MSI2: variants seen among roughly 807,000 people sequenced by gnomAD.
MSI2 encodes the protein musashi RNA binding protein 2, also known as RNA-binding protein Musashi homolog 2.
A neutral mutation model predicts 45.6 loss-of-function variants in MSI2; 17 were observed. The observed-to-expected ratio is 0.37, with a 90% CI of 0.26 to 0.56. The LOEUF is 0.56. MSI2 is among the 20% of genes least tolerant of loss of function. The pLI, the probability that MSI2 is intolerant of heterozygous loss-of-function variation, is 0.77. For synonymous variants in MSI2, 156 were observed against 158.2 expected, an observed-to-expected ratio of 0.99 and a Z score of 0.11; for missense variants, 293 against 444.2, an observed-to-expected ratio of 0.66 and a Z score of 3.06.
At chr17:57,697,283 C>T in the MSI2 span, among the ~76,000 whole-genome samples, 1 of 151,928 alleles carries the variant, frequency 6.6e-6, no homozygotes, top group Admixed American at 6.6e-5. Context: ...ACACCCCTCA[C>T]ACACTCTACA....
chr17:57,528,590 C>T lies in MSI2; in HGVS notation c.406-1086C>T, dbSNP rs2086753859. ...CTAAAACAACAGAAATGTATTTTCT[C>T]ACAATTCTGGAGGCTAGAAGTTCAA... On this transcript the variant is annotated intron_variant, in intron 6 of 13. Coordinates refer to ENST00000284073, the MANE Select transcript of MSI2 (RefSeq NM_138962.4). Among the ~76,000 whole-genome samples the T allele has an allele frequency of 2.0e-5, 3 of 152,140 alleles. No individual in the cohort carries two copies. The South Asian group carries it at 6.2e-4, about 32-fold the overall frequency.
At chr17:57,346,104 C>T (rs965077571) in intron 5 of MSI2, among the ~76,000 whole-genome samples, 10 of 152,138 alleles carry the variant, frequency 6.6e-5, no homozygotes, top group African/African-American at 2.4e-4. Context: ...TCTCTATATC[C>T]ACCTGCTACA....
At chr17:57,533,882 G>A (rs1270365745) in intron 7 of MSI2, among the ~76,000 whole-genome samples, 2 of 152,190 alleles carry the variant, frequency 1.3e-5, no homozygotes, top group African/African-American at 4.8e-5. Flanking sequence ...TCCAGCTGGG[G>A]ACTATCTTCC....
intron 5 of MSI2, among the ~76,000 whole-genome samples, chr17:57,345,923 C>T (rs945298724): frequency 5.9e-5 from 9 of 152,058 alleles, no homozygotes; most frequent in South Asian, 2.1e-4. Flanking sequence ...CATTTAATAG[C>T]CCTGTCTTCG....
intron 6 of MSI2, among the ~76,000 whole-genome samples, chr17:57,501,871 G>A (rs183289228): frequency 6.1e-4 from 93 of 152,338 alleles, no homozygotes; most frequent in African/African-American, 2.2e-3. Flanking sequence ...GATAACTTCA[G>A]TCACTGCGTA....
intron 6 of MSI2, among the ~76,000 whole-genome samples, chr17:57,499,391 A>AAG (rs2086050936): frequency 6.6e-6 from 1 of 151,322 alleles, no homozygotes; most frequent in Non-Finnish European, 1.5e-5. Context: ...AAAAAAAAAA[A>AAG]AAGGGCAGCT....
intron 5 of MSI2, among the ~76,000 whole-genome samples, chr17:57,378,393 AG>A (rs2083539120): frequency 6.6e-6 from 1 of 151,934 alleles, no homozygotes; most frequent in Non-Finnish European, 1.5e-5. Flanking sequence ...CCTCCCGAGT[AG>A]CTGGGATTAC....
intron 8 of MSI2, among the ~76,000 whole-genome samples, chr17:57,602,595 T>C (rs1906024808): frequency 6.6e-6 from 1 of 152,160 alleles, no homozygotes; most frequent in Non-Finnish European, 1.5e-5. Context: ...TCTCAAGTGA[T>C]CCCCTTGCCT....
At chr17:57,588,086 G>A (rs1041842784) in intron 7 of MSI2, among the ~76,000 whole-genome samples, 1 of 152,156 alleles carries the variant, frequency 6.6e-6, no homozygotes, top group African/African-American at 2.4e-5. Context: ...GGACCCCAAA[G>A]AGAGGCTGCT....
intron 5 of MSI2, among the ~76,000 whole-genome samples, chr17:57,283,867 G>C (rs1411824870): frequency 2.6e-5 from 4 of 152,212 alleles, no homozygotes; most frequent in African/African-American, 9.6e-5. Context: ...AGGGTGGCAG[G>C]TGCGTGGGGA....
intron 7 of MSI2, among the ~76,000 whole-genome samples, chr17:57,555,913 C>G (rs903349886): frequency 6.6e-6 from 1 of 152,192 alleles, no homozygotes; most frequent in Non-Finnish European, 1.5e-5. Flanking sequence ...GACAGGCTGC[C>G]CAGCCTCAGA....
chr17:57,612,877 G>A (rs1373794245), intron 8 of MSI2, among the ~76,000 whole-genome samples: 2 of 152,184 alleles, frequency 1.3e-5, no homozygotes, highest in Non-Finnish European at 1.5e-5. Flanking sequence ...TATTCCCCTT[G>A]CTGGTGTTGG....
At chr17:57,688,147 G>T (rs988430112), downstream of MSI2, among the ~76,000 whole-genome samples, 6 of 152,028 alleles carry the variant, frequency 3.9e-5, no homozygotes, top group Admixed American at 6.6e-5. Context: ...GAACTTGTAG[G>T]GGTGCTGCTG....
chr17:57,406,897 T>G (rs980445541), intron 6 of MSI2: 2 of 152,188 alleles, frequency 1.3e-5, no homozygotes, highest in African/African-American at 2.4e-5. Context: ...TGCCTGAGTT[T>G]GTGGTTTGAC....
chr17:57,662,573 C>G (rs1415612326), intron 11 of MSI2, among the ~76,000 whole-genome samples: 1 of 152,176 alleles, frequency 6.6e-6, no homozygotes, highest in Non-Finnish European at 1.5e-5. Context: ...GGATTTGAGC[C>G]TAAGCCTGTC....
intron 5 of MSI2, among the ~76,000 whole-genome samples, chr17:57,360,929 T>C (rs1202610947): frequency 6.6e-6 from 1 of 152,198 alleles, no homozygotes; most frequent in East Asian, 1.9e-4. Context: ...CAGATTTCTG[T>C]GTGAGCTGCT....
At chr17:57,294,420 T>C (rs1910746779) in intron 5 of MSI2, among the ~76,000 whole-genome samples, 2 of 151,692 alleles carry the variant, frequency 1.3e-5, no homozygotes, top group African/African-American at 2.4e-5. Flanking sequence ...TGGGGGTGAG[T>C]TTCACGGGAG....
rs145283893 is a variant in MSI2, at chr17:57,484,035, G to A, written c.406-45641G>A. ...CTGGTTTTACAAATGGAGAAACGGA[G>A]GCACTTTCCCAAGGTCTCTCATACT... On this transcript the variant is annotated intron_variant, in intron 6 of 13. Coordinates refer to ENST00000284073, the MANE Select transcript of MSI2 (RefSeq NM_138962.4). 3.3e-5 allele frequency among the ~76,000 whole-genome samples: 5 copies of A among 152,336 alleles called. No individual in the cohort carries two copies. In the East Asian group the frequency reaches 9.6e-4, roughly 29 times the overall value.
chr17:57,563,746 G>GCGCACACACACACACA (rs534460755), intron 7 of MSI2, among the ~76,000 whole-genome samples: 59 of 139,398 alleles, frequency 4.2e-4, no homozygotes, highest in African/African-American at 1.3e-3. Flanking sequence ...ACACAGGCGC[G>GCGCACACACACACACA]CACACACACA....
Sources: gnomAD v4.1 joint callset for allele counts (sites outside exome capture counted in the v4.1 genomes callset) on GRCh38, gnomAD v4.1.1 for gene constraint, MANE v1.5 for transcripts, NCBI Gene and HGNC (gene_info 2026-07-23, HGNC 2026-07-21) for gene names.